Variants in TTC4 observed in about 807,000 individuals in gnomAD.
TTC4 encodes the protein tetratricopeptide repeat domain 4.
A neutral mutation model predicts 51.9 loss-of-function variants in TTC4; 36 were observed. The observed-to-expected ratio is 0.69, with a 90% confidence interval of 0.53 to 0.92. The LOEUF is 0.92. Among genes scored for constraint, TTC4 ranks in the 40% least tolerant of loss-of-function variants. TTC4 has a pLI of 0.00. For synonymous variants in TTC4, 144 were observed against 164.2 expected (o/e 0.88, Z 0.94); for missense variants, 399 against 454.6 (o/e 0.88, Z 1.11).
intron 9 of TTC4, 46 bp downstream of exon 9, chr1:54,737,710 G>GTAT: frequency 6.4e-7 from 1 of 1,571,974 alleles, no homozygotes; most frequent in South Asian, 1.1e-5. Flanking sequence ...GATGCTCAGT[G>GTAT]TATTAGTCCA....
intron 5 of TTC4, among the ~76,000 whole-genome samples, chr1:54,727,618 A>G (rs562873186): frequency 6.7e-6 from 1 of 149,418 alleles, no homozygotes; most frequent in Non-Finnish European, 1.5e-5. Context: ...TTGGGAGGCC[A>G]GGGCAGGAGG....
At chr1:54,722,140 T>A (rs901718540) in intron 4 of TTC4, among the ~76,000 whole-genome samples, 12 of 152,088 alleles carry the variant, frequency 7.9e-5, no homozygotes, top group Non-Finnish European at 1.2e-4. Context: ...TTTTTTTTTT[T>A]TTTTTTGATG....
At chr1:54,723,492 A>G (rs1228397002) in intron 5 of TTC4, among the ~76,000 whole-genome samples, 1 of 152,216 alleles carries the variant, frequency 6.6e-6, no homozygotes, top group Non-Finnish European at 1.5e-5. Flanking sequence ...TAAACCAGGA[A>G]TTAAGAGACC....
chr1:54,721,404 T>C (rs1645741933), intron 4 of TTC4, among the ~76,000 whole-genome samples, 164 bp downstream of exon 4: 1 of 152,238 alleles, frequency 6.6e-6, no homozygotes, highest in Admixed American at 6.5e-5. Context: ...GACTTAACCC[T>C]TTATGTAATA....
At position 54,733,652 on chromosome 1, in the gene TTC4, T is replaced by G; in HGVS notation, c.920T>G (p.Met307Arg). The change falls in exon 8 of 10, where the codon ATG becomes AGG. Residue 307 changes from methionine (M) to arginine (R), a missense_variant. By Grantham distance (91) the Met-to-Arg change is moderately conservative (BLOSUM62 -1). This residue lies in a region of TTC4 where 19 missense variants were observed against 43.7 expected (regional missense o/e 0.43). Coordinates refer to ENST00000371281, the MANE Select transcript of TTC4 (RefSeq NM_004623.5). ...DSRFIDHLMV[M>R]FGETPSWDLE... ...AGGTTTATTGATCATCTAATGGTGA[T>G]GTTTGGTGAAACACCCTCTTGGGAC... 1 of 1,604,518 alleles carries G rather than the reference T, an allele frequency of 6.2e-7. No homozygotes were observed. The highest frequency in any genetic ancestry group is 2.2e-5 in the East Asian group (1 of 44,694).
rs1177384282 is a variant in TTC4 at position 54,741,746 on chromosome 1, C to T, written c.*233C>T. 1 of 559,350 alleles carries T rather than the reference C, an allele frequency of 1.8e-6. No homozygotes were observed. The highest frequency in any genetic ancestry group is 3.2e-6 in the Non-Finnish European group (1 of 314,166). The allele number at this position is 559,350 out of a possible 1,614,324, so 34.6% of individuals were successfully genotyped here. On this transcript the variant is annotated 3_prime_UTR_variant, in exon 10 of 10. Coordinates refer to ENST00000371281, the MANE Select transcript of TTC4 (RefSeq NM_004623.5). ...AAACTCTGGGTCTTGGCCATGATGT[C>T]CTTGGACTCCATCGCTAAAGGGACC...
At chr1:54,726,448 G>C (rs1645800574) in intron 5 of TTC4, among the ~76,000 whole-genome samples, 2 of 152,080 alleles carry the variant, frequency 1.3e-5, no homozygotes, top group Non-Finnish European at 2.9e-5. Flanking sequence ...AAAATCCTAA[G>C]GGATCCACTA....
intron 3 of TTC4, among the ~76,000 whole-genome samples, chr1:54,720,437 CTT>C (rs67813981): frequency 3.9e-4 from 50 of 128,620 alleles, no homozygotes; most frequent in Admixed American, 5.5e-4. Context: ...TGACTGCATA[CTT>C]TTTTTTTTTT....
At chr1:54,719,365 T>G (rs60329137) in intron 3 of TTC4, among the ~76,000 whole-genome samples, 2,332 of 131,730 alleles carry the variant, frequency 0.018, no homozygotes, top group African/African-American at 0.055. Context: ...GGTTTAGAAT[T>G]CAGTTTCCTT....
chr1:54,737,906 C>T (rs1192895540), intron 9 of TTC4, among the ~76,000 whole-genome samples: 1 of 150,674 alleles, frequency 6.6e-6, no homozygotes, highest in Non-Finnish European at 1.5e-5. Flanking sequence ...CAGGAAAACT[C>T]CCTTTTTTTT....
At position 54,741,719 on chromosome 1, in the gene TTC4, T is replaced by C. The variant is rs889127675; in HGVS notation, c.*206T>C. The C allele has an allele frequency of 1.2e-5, 7 of 589,372 alleles. No individual in the cohort carries two copies. The Admixed American group carries it at 1.2e-4, about 10-fold the overall frequency. 36.5% of individuals were successfully genotyped at this position (589,372 alleles called of 1,614,324 possible). A position where few individuals can be genotyped will look rare whatever the true frequency, so the allele number is the denominator to read the frequency against. On this transcript the variant is annotated 3_prime_UTR_variant, in exon 10 of 10. Coordinates refer to ENST00000371281, the MANE Select transcript of TTC4 (RefSeq NM_004623.5). ...TGGTCTTCACTTTCCTCAGTTGATA[T>C]AAAACTCTGGGTCTTGGCCATGATG...
intron 3 of TTC4, among the ~76,000 whole-genome samples, chr1:54,720,498 T>G (rs1645730713): frequency 6.8e-6 from 1 of 147,764 alleles, no homozygotes; most frequent in Non-Finnish European, 1.5e-5. Context: ...ATTTAGTTTT[T>G]TTTTTTTTTT....
intron 5 of TTC4, among the ~76,000 whole-genome samples, chr1:54,727,056 A>AC (rs1491453203): frequency 2.0e-5 from 1 of 50,520 alleles, no homozygotes; most frequent in East Asian, 9.9e-4. Flanking sequence ...CATGAAAGAC[A>AC]AAAAAAAAAA....
rs35173267 is a variant in TTC4, at chr1:54,742,150, CT to C, written c.*640del. On this transcript the variant is annotated 3_prime_UTR_variant, in exon 10 of 10. Transcript: ENST00000371281. ...TTGCCATATGGAGGACTGTGACAGA[CT>C]TTGGACAGTGGCCTCTTGAGTTCCT... 0.12 allele frequency: 18,027 copies of C among 152,320 alleles called. 1,773 individuals carry two copies. The highest frequency in any genetic ancestry group is 0.26 in the African/African-American group (10,909 of 41,488). 9.4% of individuals were successfully genotyped at this position (152,320 alleles called of 1,614,324 possible).
intron 9 of TTC4, among the ~76,000 whole-genome samples, chr1:54,739,412 C>T (rs10888873): frequency 0.043 from 6,508 of 152,252 alleles, 396 homozygotes; most frequent in East Asian, 0.3. Context: ...CTGGGACTGC[C>T]GCCTCATCTC....
In TTC4 at chr1:54,717,499, C is replaced by T; in HGVS notation, c.237C>T (p.Ala79=). ...FDEERSPEEQ[A]KTYKDEGNDY... is the part of the protein sequence containing the mutation. Reference sequence around the variant, plus strand: ...TTTTCCTCTTCTTTGCAGAACAGGCCAAGACCTATAAAGATGAGGGCAATG... The same window carrying T: ...TTTTCCTCTTCTTTGCAGAACAGGCTAAGACCTATAAAGATGAGGGCAATG... Residue 79 remains alanine (A), a synonymous_variant, in exon 3 of 10, where the codon GCC becomes GCT. Transcript: ENST00000371281. 1 of 1,584,126 alleles carries T rather than the reference C, an allele frequency of 6.3e-7. No homozygotes were observed. The highest frequency in any genetic ancestry group is 8.6e-7 in the Non-Finnish European group (1 of 1,168,770).
In TTC4 at chr1:54,715,987, C is replaced by A; in HGVS notation, c.79C>A (p.Arg27Ser). ...GGAAAAGTTCCAGAGCCAGCCTTAC[C>A]GTGGCGGCTTTCATGAGGACCAGTG... ...FLEKFQSQPY[R>S]GGFHEDQWEK... The change falls in exon 1 of 10, where the codon CGT becomes AGT. Residue 27 changes from arginine (R) to serine (S), a missense_variant. By Grantham distance (110) the Arg-to-Ser change is moderately radical (BLOSUM62 -1). Transcript: ENST00000371281. The A allele has an allele frequency of 2.5e-6, 4 of 1,599,646 alleles. No homozygotes were observed. Among genetic ancestry groups the A allele is most frequent in the Non-Finnish European group, 3.4e-6 (4 of 1,173,288 alleles).
chr1:54,737,799 C>A, intron 9 of TTC4, 135 bp downstream of exon 9: 1 of 880,758 alleles, frequency 1.1e-6, no homozygotes, highest in Non-Finnish European at 1.7e-6. Context: ...ACTCACAGTT[C>A]CACGTGGCTG....
chr1:54,735,163 G>A (rs557336744), intron 8 of TTC4, among the ~76,000 whole-genome samples: 15 of 152,174 alleles, frequency 9.9e-5, no homozygotes, highest in African/African-American at 3.6e-4. Context: ...TTTGTAGAAT[G>A]TCTGTCAGTA....
Sources: allele counts gnomAD v4.1 joint callset (sites outside exome capture counted in the v4.1 genomes callset), GRCh38; gene constraint gnomAD v4.1.1; regional missense constraint gnomAD v4.1.1; transcripts MANE v1.5; gene names NCBI Gene and HGNC (gene_info 2026-07-23, HGNC 2026-07-21).